Variants in CSMD1 observed in about 807,000 individuals in gnomAD.
The protein encoded by CSMD1 is CUB and Sushi multiple domains 1.
Under a neutral mutation model 417.5 loss-of-function variants are expected in CSMD1, and 213 were observed. That is an observed-to-expected ratio of 0.51 (90% CI 0.46 to 0.57). CSMD1 has a LOEUF of 0.57. CSMD1 is among the 20% of genes least tolerant of loss of function. The pLI is 0.00. For missense variants in CSMD1, 6,923 were observed against 4,529.7 expected, an observed-to-expected ratio of 1.53 and a Z score of -15.17; for synonymous variants, 2,862 against 1,736.8, an observed-to-expected ratio of 1.65 and a Z score of -16.11.
intron 1 of CSMD1, among the ~76,000 whole-genome samples, chr8:4,676,951 T>C (rs967738197): frequency 1.2e-4 from 18 of 147,066 alleles, no homozygotes; most frequent in Admixed American, 2.7e-4. Flanking sequence ...AGAGAAATTA[T>C]ATATATCTAT....
intron 11 of CSMD1, among the ~76,000 whole-genome samples, chr8:3,478,443 C>T (rs1045726462): frequency 1.3e-5 from 2 of 152,058 alleles, no homozygotes; most frequent in African/African-American, 4.8e-5. Flanking sequence ...TTTCCTTCCC[C>T]CTCTGTGTAA....
At chr8:4,872,376 C>A (rs960791500) in intron 1 of CSMD1, among the ~76,000 whole-genome samples, 1 of 152,188 alleles carries the variant, frequency 6.6e-6, no homozygotes, top group Admixed American at 6.5e-5. Context: ...GTAATTGAAT[C>A]ATGGGAGTGG....
At chr8:3,409,346 C>T (rs773291580) in intron 13 of CSMD1, 77 bp downstream of exon 13, 1 of 1,341,710 alleles carries the variant, frequency 7.5e-7, no homozygotes, top group Non-Finnish European at 9.9e-7. Context: ...AATGGGCGGT[C>T]TGTGTCTTTC....
At chr8:4,512,982 G>A (rs138082236) in intron 2 of CSMD1, among the ~76,000 whole-genome samples, 3 of 152,276 alleles carry the variant, frequency 2.0e-5, no homozygotes, top group Non-Finnish European at 4.4e-5. Context: ...ACAGGTCAGT[G>A]ATTGCCAGGA....
At chr8:4,083,505 G>C (rs1259728947) in intron 3 of CSMD1, among the ~76,000 whole-genome samples, 1 of 152,114 alleles carries the variant, frequency 6.6e-6, no homozygotes, top group Admixed American at 6.6e-5. Flanking sequence ...ATAGATCAAT[G>C]GAACAGAACA....
At chr8:3,869,304 C>A (rs1048289080) in intron 5 of CSMD1, among the ~76,000 whole-genome samples, 1 of 152,194 alleles carries the variant, frequency 6.6e-6, no homozygotes, top group Non-Finnish European at 1.5e-5. Context: ...TTCTCTGCTT[C>A]ATTTCTCTCC....
At chr8:4,217,125 T>A (rs1800730803) in intron 3 of CSMD1, among the ~76,000 whole-genome samples, 1 of 152,330 alleles carries the variant, frequency 6.6e-6, no homozygotes, top group South Asian at 2.1e-4. Context: ...AGTGCTAGTC[T>A]ACATAGTACT....
Position 3,219,327 on chromosome 8 carries a change from C to A in CSMD1, c.4600G>T (p.Gly1534Ter). ...SQAPERIESSGNSLFLAFRSD... is the reference protein window; with the variant it reads ...SQAPERIESS ...CGAAATGCCAGAAACAGGCTGTTTC[C>A]GCTACTCTCTATTCTTTCTGGGGCC... Residue 1534 changes from glycine to a stop codon, truncating the protein, a stop_gained, in exon 29 of 70, where the codon GGA becomes TGA. Transcript: ENST00000635120. LOFTEE classifies it high-confidence loss of function. 1 of 1,586,258 alleles carries A rather than the reference C, an allele frequency of 6.3e-7. No individual in the cohort carries two copies.
intron 3 of CSMD1, among the ~76,000 whole-genome samples, chr8:4,342,205 C>CTGTGTGTGTGTGTG (rs58235838): frequency 6.6e-6 from 1 of 150,576 alleles, no homozygotes; most frequent in Non-Finnish European, 1.5e-5. Context: ...AGTGCTGTGT[C>CTGTGTGTGTGTGTG]TGTGTGTGTG....
intron 11 of CSMD1, among the ~76,000 whole-genome samples, chr8:3,470,531 T>G (rs971711347): frequency 1.3e-5 from 2 of 152,180 alleles, no homozygotes; most frequent in Non-Finnish European, 2.9e-5. Flanking sequence ...TTATTCGTAT[T>G]TTGTATGTAC....
At chr8:4,090,223 G>C (rs1161859107) in intron 3 of CSMD1, among the ~76,000 whole-genome samples, 1 of 152,028 alleles carries the variant, frequency 6.6e-6, no homozygotes, top group Non-Finnish European at 1.5e-5. Flanking sequence ...AAGTATTTTT[G>C]GCTTGTTTTT....
chr8:3,705,833 T>C (rs1801136771), intron 7 of CSMD1, among the ~76,000 whole-genome samples: 1 of 152,134 alleles, frequency 6.6e-6, no homozygotes, highest in Non-Finnish European at 1.5e-5. Context: ...GAGACTCAAG[T>C]TAATGGAATG....
At chr8:3,367,392 T>A (rs1809666025) in intron 19 of CSMD1, 145 bp from the exon 20 acceptor site, 1 of 619,220 alleles carries the variant, frequency 1.6e-6, no homozygotes, top group African/African-American at 1.9e-5. Context: ...GGAAGACAGA[T>A]TGCAGAGAGT....
At chr8:3,830,151 G>C (rs186799172) in intron 5 of CSMD1, among the ~76,000 whole-genome samples, 466 of 152,236 alleles carry the variant, frequency 3.1e-3, no homozygotes, top group Non-Finnish European at 5.2e-3. Context: ...CATACTATAT[G>C]CTCCAGAGTT....
intron 1 of CSMD1, among the ~76,000 whole-genome samples, chr8:4,755,522 A>T (rs1811611150): frequency 6.6e-6 from 1 of 152,036 alleles, no homozygotes; most frequent in South Asian, 2.1e-4. Flanking sequence ...TCCTGCTTTC[A>T]ACTCTGTCTT....
chr8:3,176,127 C>T (rs900021891), intron 37 of CSMD1, among the ~76,000 whole-genome samples: 13 of 151,814 alleles, frequency 8.6e-5, no homozygotes, highest in African/African-American at 3.1e-4. Context: ...TAAGCTGAAT[C>T]GTAATAATAG....
chr8:4,966,561 G>A (rs1189724745), intron 1 of CSMD1, among the ~76,000 whole-genome samples: 3 of 152,262 alleles, frequency 2.0e-5, no homozygotes, highest in East Asian at 1.9e-4. Context: ...TGACTGATGT[G>A]CAAGTGTCAC....
chr8:3,160,800 G>A (rs1167172864), intron 38 of CSMD1, among the ~76,000 whole-genome samples: 1 of 152,180 alleles, frequency 6.6e-6, no homozygotes, highest in Non-Finnish European at 1.5e-5. Flanking sequence ...TCCCACGGTT[G>A]ATCAGGAGAA....
At chr8:4,449,637 A>G (rs781654739) in intron 2 of CSMD1, among the ~76,000 whole-genome samples, 1 of 152,164 alleles carries the variant, frequency 6.6e-6, no homozygotes, top group Non-Finnish European at 1.5e-5. Context: ...TCTTGGAGCA[A>G]TCCACATAGA....
Sources: gnomAD v4.1 joint callset for allele counts (sites outside exome capture counted in the v4.1 genomes callset) on GRCh38, gnomAD v4.1.1 for gene constraint, MANE v1.5 for transcripts, NCBI Gene and HGNC (gene_info 2026-07-23, HGNC 2026-07-21) for gene names.